The following PDE6B variants were observed in gnomAD, a reference collection of about 807,000 sequenced individuals.
The protein encoded by PDE6B is rod cGMP-specific 3',5'-cyclic phosphodiesterase subunit beta.
PDE6B carries 106 observed loss-of-function variants against 109.0 expected under a neutral mutation model. That is an observed-to-expected ratio of 0.97 (90% CI 0.83 to 1.14). The LOEUF is 1.14. PDE6B is among the 50% of genes most tolerant of loss of function. PDE6B has a pLI of 0.00. For missense variants in PDE6B, 1,193 were observed against 1,155.6 expected (o/e 1.03, Z -0.47); for synonymous variants, 490 against 471.3 (o/e 1.04, Z -0.51).
At chr4:655,848 C>T (rs1460830375) in intron 6 of PDE6B, 92 bp from the exon 7 acceptor site, 2 of 816,680 alleles carry the variant, frequency 2.4e-6, no homozygotes, top group East Asian at 4.8e-5. Flanking sequence ...CAGCCCCTCT[C>T]ACCCCTGCAC....
In PDE6B at chr4:667,855, G is replaced by A; in HGVS notation, c.432+1241G>A. On this transcript the variant is annotated intron_variant, in intron 5 of 5. Coordinates refer to the PDE6B transcript ENST00000471824. ...GGTGGTGACTTCTCGACTCCCCTCA[G>A]GAGTTCTCTCGTTTCCACGAAGAGA... The A allele has an allele frequency of 6.2e-7, 1 of 1,612,954 alleles. No homozygotes were observed. Among genetic ancestry groups the A allele is most frequent in the South Asian group, 1.1e-5 (1 of 91,024 alleles).
In PDE6B at chr4:665,135, T is replaced by A; in HGVS notation, c.2194-120T>A. 1.2e-6 allele frequency: 1 copy of A among 854,762 alleles called. No homozygotes were observed. Among genetic ancestry groups the A allele is most frequent in the Non-Finnish European group, 2.0e-6 (1 of 506,280 alleles). 52.9% of individuals were successfully genotyped at this position (854,762 alleles called of 1,614,324 possible). On this transcript the variant is annotated intron_variant, in intron 18 of 21. Coordinates refer to ENST00000496514, the MANE Select transcript of PDE6B (RefSeq NM_000283.4). This position sits in a 1 kb window ranked among gnomAD's most constrained non-coding sequence, Gnocchi z 4.0. The stretch of plus-strand genomic sequence containing the variant: ...TACATGGCTCAACCGGAGCCCTGTG[T>A]GGTGGGGACCCCGGGGGTCTGGGGC...
At chr4:646,943 C>T (rs1307408663) in intron 3 of PDE6B, among the ~76,000 whole-genome samples, 3 of 151,860 alleles carry the variant, frequency 2.0e-5, no homozygotes, top group East Asian at 1.9e-4. Flanking sequence ...CTGCAGCCGC[C>T]GCTTCCTGGG....
Position 625,929 on chromosome 4 carries a change from C to T in PDE6B, c.303C>T (p.Asn101=), listed in dbSNP as rs747505315. 1.4e-5 allele frequency: 23 copies of T among 1,595,630 alleles called. No homozygotes were observed. The highest frequency in any genetic ancestry group is 4.5e-5 in the South Asian group (4 of 89,036). ...GCCTCTTCATGTACCGCCAGCGCAA[C>T]GGCGTGGCCGAGCTGGCCACCAGGC... ...RCSLFMYRQR[N]GVAELATRLF... is the part of the protein sequence containing the mutation. Residue 101 remains asparagine, a synonymous_variant, in exon 1 of 22, where the codon AAC becomes AAT. Transcript: ENST00000496514. The surrounding 1 kb of genome is among the most constrained non-coding windows in gnomAD (Gnocchi z 5.0).
At chr4:650,965 G>A (rs1055599800) in intron 3 of PDE6B, among the ~76,000 whole-genome samples, 1 of 152,200 alleles carries the variant, frequency 6.6e-6, no homozygotes, top group African/African-American at 2.4e-5. Flanking sequence ...TCAGGGTGGG[G>A]CTGCTGGGCT....
chr4:634,649 C>G (rs750013964), intron 1 of PDE6B, 28 bp from the exon 2 acceptor site: 1 of 1,603,362 alleles, frequency 6.2e-7, no homozygotes. Context: ...GCGACAGCCT[C>G]TTTAGCCTCT....
At chr4:664,088 G>T (rs1400909183) in intron 16 of PDE6B, 26 bp from the exon 17 acceptor site, 2 of 1,489,360 alleles carry the variant, frequency 1.3e-6, no homozygotes, top group East Asian at 2.3e-5. Context: ...GCTCCCACCT[G>T]CACCTCCCTT....
intron 11 of PDE6B, among the ~76,000 whole-genome samples, 191 bp from the exon 12 acceptor site, chr4:660,276 G>A (rs1156859003): frequency 6.6e-6 from 1 of 152,222 alleles, no homozygotes; most frequent in Non-Finnish European, 1.5e-5. Flanking sequence ...GTACAAGAGG[G>A]GAGAGTGAGG....
At chr4:638,251 G>C (rs1734787919) in intron 3 of PDE6B, among the ~76,000 whole-genome samples, 2 of 152,160 alleles carry the variant, frequency 1.3e-5, no homozygotes, top group African/African-American at 4.8e-5. Flanking sequence ...TCTTTGGTGA[G>C]GTGTCTGTTC....
At position 659,595 on chromosome 4, in the gene PDE6B, ATG is replaced by A. The variant is rs570098996; in HGVS notation, c.1467+585_1467+586del. 3.3e-4 allele frequency among the ~76,000 whole-genome samples: 48 copies of A among 145,792 alleles called. No homozygotes were observed. In the South Asian group the frequency reaches 6.4e-3, roughly 20 times the overall value. ...TGGGTGTGTGTGTGCACATGTGGGT[ATG>A]TGTGTGCGTGTGTGCATTGTATGAA... On this transcript the variant is annotated intron_variant, in intron 11 of 21. Transcript: ENST00000496514.
intron 3 of PDE6B, chr4:652,769 T>A (rs1232600930): frequency 6.6e-6 from 1 of 152,588 alleles, no homozygotes; most frequent in Non-Finnish European, 1.5e-5. Context: ...TTGAACATCC[T>A]CGGATTTTGT....
rs1244020145 is a variant in PDE6B at position 625,950 on chromosome 4, C to T, written c.324C>T (p.Thr108=). 3.8e-6 allele frequency: 6 copies of T among 1,588,498 alleles called. No individual in the cohort carries two copies. Among genetic ancestry groups the T allele is most frequent in the Non-Finnish European group, 5.1e-6 (6 of 1,167,562 alleles). The part of the protein sequence containing the change: ...RQRNGVAELA[T]RLFSVQPDSV... ...GCAACGGCGTGGCCGAGCTGGCCAC[C>T]AGGCTTTTCAGCGTGCAGCCGGACA... is the stretch of plus-strand genomic sequence containing the variant. The change falls in exon 1 of 22, where the codon ACC becomes ACT. Residue 108 remains threonine, a synonymous_variant. Transcript: ENST00000496514. This position sits in a 1 kb window ranked among gnomAD's most constrained non-coding sequence, Gnocchi z 5.0.
Position 660,505 on chromosome 4 carries a change from C to G in PDE6B, c.1506C>G (p.Tyr502Ter), listed in dbSNP as rs750323428. ...CAGGGCCCACCACATTTGACATCTA[C>G]GAATTCCACTTCTCTGACCTGGAGT... is the stretch of plus-strand genomic sequence containing the variant. ...ELPGPTTFDI[Y>*]EFHFSDLECT... The change falls in exon 12 of 22, where the codon TAC (tyrosine) becomes TAG (stop). Residue 502 changes from tyrosine to a stop codon, truncating the protein, a stop_gained. Coordinates refer to ENST00000496514, the MANE Select transcript of PDE6B (RefSeq NM_000283.4). LOFTEE classifies it high-confidence loss of function. 1 of 1,613,878 alleles carries G rather than the reference C, an allele frequency of 6.2e-7. No homozygotes were observed. The highest frequency in any genetic ancestry group is 8.5e-7 in the Non-Finnish European group (1 of 1,179,868).
Position 633,199 on chromosome 4 carries a change from T to C in PDE6B, c.469-1478T>C, listed in dbSNP as rs1382470346. 6.6e-6 allele frequency among the ~76,000 whole-genome samples: 1 copy of C among 152,008 alleles called. No homozygotes were observed. The highest frequency in any genetic ancestry group is 6.6e-5 in the Admixed American group (1 of 15,250). On this transcript the variant is annotated intron_variant, in intron 1 of 21. Transcript: ENST00000496514. This position sits in a 1 kb window ranked among gnomAD's most constrained non-coding sequence, Gnocchi z 4.5. Reference sequence around the variant, plus strand: ...GGTGCAGAGATGAGCCCTCAGGGGTTGCAGGTGGTGAGATGAGCCCTCCCT... The same window carrying C: ...GGTGCAGAGATGAGCCCTCAGGGGTCGCAGGTGGTGAGATGAGCCCTCCCT...
intron 3 of PDE6B, among the ~76,000 whole-genome samples, chr4:642,470 C>T (rs960916288): frequency 1.1e-4 from 17 of 150,568 alleles, no homozygotes; most frequent in African/African-American, 3.9e-4. Flanking sequence ...GAGTAAACTC[C>T]GTCTGAAAAA....
In PDE6B at chr4:654,914, G is replaced by A. The variant is rs567481298; in HGVS notation, c.992+26G>A. On this transcript the variant is annotated intron_variant, in intron 6 of 21. Transcript: ENST00000496514. Reference sequence around the variant, plus strand: ...GTAAGTGCAGGATTTTACCAGAAGCGTCCCCGGGGGAGGGACCGCCCCTCA... The same window carrying A: ...GTAAGTGCAGGATTTTACCAGAAGCATCCCCGGGGGAGGGACCGCCCCTCA... The A allele has an allele frequency of 8.3e-6, 11 of 1,332,952 alleles. No individual in the cohort carries two copies. The Admixed American group carries it at 8.4e-5, about 10-fold the overall frequency. 82.6% of individuals were successfully genotyped at this position (1,332,952 alleles called of 1,614,324 possible).
rs748035218 is a variant in PDE6B at position 625,700 on chromosome 4, A to G, written c.74A>G (p.Lys25Arg). Residue 25 changes from lysine to arginine, a missense_variant, in exon 1 of 22, where the codon AAG becomes AGG. Transcript: ENST00000496514. This position sits in a 1 kb window ranked among gnomAD's most constrained non-coding sequence, Gnocchi z 5.0. Reference sequence around the variant, plus strand: ...GATTTTGCCCGCCAGTACTTTGGGAAGAAACTGAGCCCTGAGAATGTGGCC... The same window carrying G: ...GATTTTGCCCGCCAGTACTTTGGGAGGAAACTGAGCCCTGAGAATGTGGCC... ...NPDFARQYFG[K>R]KLSPENVAAA... 26 of 1,613,844 alleles carry G rather than the reference A, an allele frequency of 1.6e-5. No individual in the cohort carries two copies. Among genetic ancestry groups the G allele is most frequent in the East Asian group, 2.2e-5 (1 of 44,894 alleles).
At chr4:639,523 G>C (rs1393119484) in intron 3 of PDE6B, among the ~76,000 whole-genome samples, 1 of 152,196 alleles carries the variant, frequency 6.6e-6, no homozygotes, top group Admixed American at 6.5e-5. Context: ...CTAAAGGAAA[G>C]GGGGAGAAGT....
intron 3 of PDE6B, among the ~76,000 whole-genome samples, chr4:645,689 T>C (rs1735167650): frequency 6.6e-6 from 1 of 152,020 alleles, no homozygotes; most frequent in Admixed American, 6.6e-5. Context: ...CTCTTTATTA[T>C]TATCATCCCC....
Sources: allele counts gnomAD v4.1 joint callset (sites outside exome capture counted in the v4.1 genomes callset), GRCh38; gene constraint gnomAD v4.1.1; non-coding constraint Gnocchi (gnomAD v3.1); transcripts MANE v1.5; gene names NCBI Gene and HGNC (gene_info 2026-07-23, HGNC 2026-07-21).